MBD5: variants seen among roughly 807,000 people sequenced by gnomAD.
The protein encoded by MBD5 is methyl-CpG binding domain protein 5.
A neutral mutation model predicts 117.3 loss-of-function variants in MBD5; 13 were observed. The observed-to-expected ratio is 0.11, with a 90% confidence interval of 0.07 to 0.18. The LOEUF (loss-of-function observed/expected upper bound fraction) is 0.18. Ranked by LOEUF, MBD5 falls within the 10% of genes least tolerant of loss-of-function variation. The probability of loss-of-function intolerance (pLI) is 1.00; values close to 1 mark genes in which losing one functional copy is unlikely to be tolerated. For missense variants in MBD5, 1,879 were observed against 2,093.8 expected (o/e 0.90, Z 2.00); for synonymous variants, 727 against 766.4 (o/e 0.95, Z 0.85).
At chr2:148,444,441 G>C (rs1159922729) in intron 4 of MBD5, among the ~76,000 whole-genome samples, 1 of 151,042 alleles carries the variant, frequency 6.6e-6, no homozygotes, top group Non-Finnish European at 1.5e-5. Flanking sequence ...CATCTTCTTT[G>C]GAAAATATTT....
intron 12 of MBD5, among the ~76,000 whole-genome samples, chr2:148,505,976 T>G (rs1032082082): frequency 1.3e-5 from 2 of 152,286 alleles, no homozygotes; most frequent in East Asian, 3.9e-4. Flanking sequence ...AGAGAGAGCC[T>G]CAGCACAGTA....
intron 4 of MBD5, among the ~76,000 whole-genome samples, chr2:148,372,787 A>C (rs1184865776): frequency 6.6e-6 from 1 of 152,092 alleles, no homozygotes; most frequent in Non-Finnish European, 1.5e-5. Context: ...GGGCTCAAGA[A>C]ACTCGAAGTG....
intron 2 of MBD5, among the ~76,000 whole-genome samples, chr2:148,207,036 T>C (rs1337503302): frequency 6.6e-6 from 1 of 152,216 alleles, no homozygotes; most frequent in Non-Finnish European, 1.5e-5. Context: ...GGGGAAATGG[T>C]CTAGACTTCC....
intron 4 of MBD5, among the ~76,000 whole-genome samples, chr2:148,366,732 T>A (rs1194264954): frequency 6.6e-6 from 1 of 152,090 alleles, no homozygotes; most frequent in Non-Finnish European, 1.5e-5. Flanking sequence ...TTACAATTGC[T>A]ACAAAGAGAA....
intron 4 of MBD5, among the ~76,000 whole-genome samples, chr2:148,378,625 G>T (rs1704052508): frequency 6.6e-6 from 1 of 151,634 alleles, no homozygotes; most frequent in African/African-American, 2.4e-5. Context: ...TATTAAAAAA[G>T]ATACAAAATG....
intron 2 of MBD5, among the ~76,000 whole-genome samples, chr2:148,217,089 C>T (rs1699575715): frequency 6.6e-6 from 1 of 152,162 alleles, no homozygotes; most frequent in Non-Finnish European, 1.5e-5. Context: ...AATCTCTTAA[C>T]CTACACCCCG....
At chr2:148,382,783 A>C (rs1009222618) in intron 4 of MBD5, among the ~76,000 whole-genome samples, 5 of 152,218 alleles carry the variant, frequency 3.3e-5, no homozygotes, top group Non-Finnish European at 7.3e-5. Context: ...ATCAAACTAG[A>C]ACTTGGGATT....
chr2:148,255,530 A>C (rs78874535), intron 3 of MBD5, among the ~76,000 whole-genome samples: 1 of 152,152 alleles, frequency 6.6e-6, no homozygotes, highest in Admixed American at 6.5e-5. Context: ...GGCCACAACC[A>C]GGTTTTCTAT....
At chr2:148,033,665 G>T (rs1694104670) in intron 1 of MBD5, among the ~76,000 whole-genome samples, 2 of 152,152 alleles carry the variant, frequency 1.3e-5, no homozygotes, top group Admixed American at 1.3e-4. Flanking sequence ...AGACAAGGAA[G>T]ATATGTACAA....
At position 148,469,215 on chromosome 2, in the gene MBD5, A is replaced by G; in HGVS notation, c.1272A>G (p.Gln424=). 3 of 1,614,060 alleles carry G rather than the reference A, an allele frequency of 1.9e-6. No homozygotes were observed. The highest frequency in any genetic ancestry group is 2.5e-6 in the Non-Finnish European group (3 of 1,179,984). ...PGHMNHGSHV[Q]RVQHSASTSL... is the part of the protein sequence containing the mutation. ...ACATGAATCATGGGAGTCATGTACA[A>G]AGAGTTCAGCATTCAGCTTCAACCT... The change falls in exon 8 of 14, where the codon CAA becomes CAG. Residue 424 remains glutamine (Q), a synonymous_variant. Coordinates refer to ENST00000642680, the MANE Select transcript of MBD5 (RefSeq NM_001378120.1).
At chr2:148,442,110 T>C (rs1378427716) in intron 4 of MBD5, among the ~76,000 whole-genome samples, 1 of 151,662 alleles carries the variant, frequency 6.6e-6, no homozygotes, top group Admixed American at 6.6e-5. Flanking sequence ...TTTAGTTTAC[T>C]TAGATCCCAT....
intron 1 of MBD5, among the ~76,000 whole-genome samples, chr2:148,159,352 C>G (rs931621796): frequency 5.3e-5 from 8 of 151,794 alleles, no homozygotes; most frequent in Admixed American, 5.2e-4. Context: ...AGGTTTCACT[C>G]TGTCTCCCAG....
intron 3 of MBD5, among the ~76,000 whole-genome samples, chr2:148,280,525 A>G (rs898745169): frequency 6.6e-6 from 1 of 152,098 alleles, no homozygotes. Context: ...TTGATCATGC[A>G]GGCTCAAGTC....
intron 3 of MBD5, among the ~76,000 whole-genome samples, chr2:148,273,827 T>C (rs1701040258): frequency 6.6e-6 from 1 of 152,202 alleles, no homozygotes. Context: ...GGGAAGAACC[T>C]AGTTGGGCAG....
At position 148,126,996 on chromosome 2, in the gene MBD5, A is replaced by G. The variant is rs1301517531; in HGVS notation, c.-924-51704A>G. 2.8e-4 allele frequency among the ~76,000 whole-genome samples: 28 copies of G among 98,768 alleles called. No homozygotes were observed. In the Admixed American group the frequency reaches 3.2e-3, roughly 11 times the overall value. The allele number at this position is 98,768 out of a possible 152,430, so 64.8% of individuals were successfully genotyped here. A position where few individuals can be genotyped will look rare whatever the true frequency, so the allele number is the denominator to read the frequency against. ...TTCTTTCTTTTTTTTTTTTTTTTTTAGACGGAGTCTTGCTCTGTCTCCCAG... is the reference window on the plus strand; with the variant it reads ...TTCTTTCTTTTTTTTTTTTTTTTTTGGACGGAGTCTTGCTCTGTCTCCCAG... On this transcript the variant is annotated intron_variant, in intron 1 of 13. Transcript: ENST00000642680.
chr2:148,066,297 G>A (rs1298299526), intron 1 of MBD5, among the ~76,000 whole-genome samples: 3 of 152,044 alleles, frequency 2.0e-5, no homozygotes, highest in Admixed American at 6.6e-5. Flanking sequence ...GGGTGACAAA[G>A]CAAGACCCTG....
chr2:148,491,088 A>G (rs2105137941), intron 11 of MBD5, among the ~76,000 whole-genome samples: 1 of 152,352 alleles, frequency 6.6e-6, no homozygotes, highest in Non-Finnish European at 1.5e-5. Context: ...GTCTGGGTGG[A>G]GTTGCAGCCA....
intron 3 of MBD5, among the ~76,000 whole-genome samples, chr2:148,323,165 G>C (rs934055853): frequency 6.6e-6 from 1 of 151,844 alleles, no homozygotes; most frequent in East Asian, 1.9e-4. Flanking sequence ...TCCCTACAAA[G>C]GACATGAACT....
intron 2 of MBD5, among the ~76,000 whole-genome samples, chr2:148,212,479 T>A (rs1296955115): frequency 1.3e-5 from 2 of 152,210 alleles, no homozygotes; most frequent in East Asian, 3.8e-4. Context: ...ATTCATCAGG[T>A]ACTTAGAGTC....
Sources: gnomAD v4.1 joint callset for allele counts (sites outside exome capture counted in the v4.1 genomes callset) on GRCh38, gnomAD v4.1.1 for gene constraint, MANE v1.5 for transcripts, NCBI Gene and HGNC (gene_info 2026-07-23, HGNC 2026-07-21) for gene names.